Variants in LMX1A observed in about 807,000 individuals in gnomAD.
LMX1A encodes the protein LIM homeobox transcription factor 1 alpha, also known as LIM homeobox transcription factor 1-alpha.
A neutral mutation model predicts 49.1 loss-of-function variants in LMX1A; 15 were observed. That is an observed-to-expected ratio of 0.31 (90% CI 0.20 to 0.47). The LOEUF (loss-of-function observed/expected upper bound fraction) is 0.47, where lower values mean the gene tolerates loss of function less well. Among genes scored for constraint, LMX1A ranks in the 20% least tolerant of loss-of-function variants. The pLI, the probability that LMX1A is intolerant of heterozygous loss-of-function variation, is 1.00. For synonymous variants in LMX1A, 167 were observed against 185.7 expected, an observed-to-expected ratio of 0.90 and a Z score of 0.82; for missense variants, 372 against 475.8, an observed-to-expected ratio of 0.78 and a Z score of 2.03.
At chr1:165,208,275 T>A (rs1462162226) in intron 6 of LMX1A, 143 bp from the exon 7 acceptor site, 14 of 661,888 alleles carry the variant, frequency 2.1e-5, no homozygotes, top group Admixed American at 7.2e-5. Flanking sequence ...GGAGCAACAG[T>A]GGCCAGCCCC....
intron 4 of LMX1A, among the ~76,000 whole-genome samples, chr1:165,233,849 G>C (rs955671076): frequency 6.6e-6 from 1 of 152,120 alleles, no homozygotes; most frequent in African/African-American, 2.4e-5. Context: ...TATTAGTAGG[G>C]ATTCACGAAG....
intron 3 of LMX1A, among the ~76,000 whole-genome samples, chr1:165,339,632 A>C (rs1656009400): frequency 6.6e-6 from 1 of 152,172 alleles, no homozygotes; most frequent in Non-Finnish European, 1.5e-5. Flanking sequence ...GCTCTCACCT[A>C]CTGAGAGGCC....
At chr1:165,313,472 T>C (rs1273415216) in intron 3 of LMX1A, among the ~76,000 whole-genome samples, 6 of 36,764 alleles carry the variant, frequency 1.6e-4, no homozygotes, top group Non-Finnish European at 4.2e-4. Context: ...ACCTTCTTCC[T>C]TTTTTTTTTT....
intron 4 of LMX1A, among the ~76,000 whole-genome samples, chr1:165,221,604 G>C (rs540989587): frequency 1.8e-4 from 28 of 152,308 alleles, no homozygotes; most frequent in Non-Finnish European, 3.2e-4. Context: ...GGGCCAGGCA[G>C]GGGGAGGGAC....
chr1:165,222,387 G>T (rs964700786), intron 4 of LMX1A, among the ~76,000 whole-genome samples: 14 of 152,200 alleles, frequency 9.2e-5, no homozygotes, highest in African/African-American at 2.7e-4. Flanking sequence ...AATAAGGTTT[G>T]AGTGTGTTTG....
intron 4 of LMX1A, among the ~76,000 whole-genome samples, chr1:165,236,260 C>T (rs58580517): frequency 3.9e-5 from 6 of 151,996 alleles, no homozygotes; most frequent in African/African-American, 1.5e-4. Context: ...TGGGTTAGGG[C>T]CAAGCCCGCG....
rs1435070697 is a variant in LMX1A, at chr1:165,356,358, G to C, written c.-26C>G. ...AGGCACGGGCAGCCTTACTTACCTG[G>C]TAGGCGAGCTCTCTCCCAGTGACTG... is the stretch of plus-strand genomic sequence containing the variant. On this transcript the variant is annotated 5_prime_UTR_variant, in exon 1 of 9. Transcript: ENST00000342310. 1 of 152,272 alleles carries C rather than the reference G, an allele frequency of 6.6e-6. No individual in the cohort carries two copies. Among genetic ancestry groups the C allele is most frequent in the East Asian group, 1.9e-4 (1 of 5,188 alleles). 9.4% of individuals were successfully genotyped at this position (152,272 alleles called of 1,614,324 possible).
chr1:165,321,576 C>G (rs901281278), intron 3 of LMX1A, among the ~76,000 whole-genome samples: 7 of 152,116 alleles, frequency 4.6e-5, no homozygotes, highest in Non-Finnish European at 1.0e-4. Context: ...CGGTCAAGAA[C>G]CCACCATGCC....
At chr1:165,305,275 C>T (rs1654890583) in intron 3 of LMX1A, among the ~76,000 whole-genome samples, 1 of 152,102 alleles carries the variant, frequency 6.6e-6, no homozygotes, top group Non-Finnish European at 1.5e-5. Context: ...CATATTGCCA[C>T]CCAGCAGTGG....
At chr1:165,334,374 TCA>T (rs1655839313) in intron 3 of LMX1A, among the ~76,000 whole-genome samples, 1 of 152,200 alleles carries the variant, frequency 6.6e-6, no homozygotes, top group South Asian at 2.1e-4. Context: ...TTTTAACTCA[TCA>T]TCAGCTTAAT....
intron 4 of LMX1A, among the ~76,000 whole-genome samples, chr1:165,226,588 G>T (rs1374944320): frequency 6.6e-6 from 1 of 152,322 alleles, no homozygotes; most frequent in South Asian, 2.1e-4. Context: ...TGTGGGTGCA[G>T]CTGAGCTTCG....
chr1:165,340,894 C>T (rs1248856838), intron 3 of LMX1A, among the ~76,000 whole-genome samples: 1 of 152,176 alleles, frequency 6.6e-6, no homozygotes, highest in Non-Finnish European at 1.5e-5. Flanking sequence ...TGATGTTCAA[C>T]TTATCCTACG....
chr1:165,345,949 A>G (rs1303502205), intron 3 of LMX1A, among the ~76,000 whole-genome samples: 1 of 152,256 alleles, frequency 6.6e-6, no homozygotes, highest in Non-Finnish European at 1.5e-5. Flanking sequence ...GAGGCAGTTG[A>G]TGAAATAGAG....
At chr1:165,290,806 A>G (rs1338344219) in intron 3 of LMX1A, among the ~76,000 whole-genome samples, 1 of 152,160 alleles carries the variant, frequency 6.6e-6, no homozygotes, top group Non-Finnish European at 1.5e-5. Context: ...AATTTTTTGG[A>G]AAGGTAAATT....
chr1:165,306,253 G>A (rs1654917460), intron 3 of LMX1A, among the ~76,000 whole-genome samples: 1 of 152,138 alleles, frequency 6.6e-6, no homozygotes, highest in Admixed American at 6.5e-5. Flanking sequence ...TTAATAAATA[G>A]TCACTCTCCT....
At chr1:165,298,136 G>C (rs1346246714) in intron 3 of LMX1A, among the ~76,000 whole-genome samples, 1 of 152,220 alleles carries the variant, frequency 6.6e-6, no homozygotes, top group Non-Finnish European at 1.5e-5. Flanking sequence ...TTGGGTGCAA[G>C]TACCCAAGCT....
Position 165,355,268 on chromosome 1 carries a change from G to A in LMX1A, c.76+216C>T, listed in dbSNP as rs1571241052. On this transcript the variant is annotated intron_variant, in intron 2 of 8. Transcript: ENST00000342310. This position sits in a 1 kb window ranked among gnomAD's most constrained non-coding sequence, Gnocchi z 4.7. ...CGCCCCTCGCGGCTTTGGGGAATTCGGTGCCCAGTGCGTGAGGCCTGGGGC... is the reference window on the plus strand; with the variant it reads ...CGCCCCTCGCGGCTTTGGGGAATTCAGTGCCCAGTGCGTGAGGCCTGGGGC... 6.6e-6 allele frequency among the ~76,000 whole-genome samples: 1 copy of A among 152,106 alleles called. No homozygotes were observed. Among genetic ancestry groups the A allele is most frequent in the African/African-American group, 2.4e-5 (1 of 41,422 alleles).
intron 3 of LMX1A, among the ~76,000 whole-genome samples, chr1:165,269,514 T>C (rs1653727392): frequency 6.6e-6 from 1 of 152,142 alleles, no homozygotes; most frequent in African/African-American, 2.4e-5. Flanking sequence ...GAACCAGAAA[T>C]ACCATTTGAC....
intron 3 of LMX1A, among the ~76,000 whole-genome samples, chr1:165,331,024 T>TA (rs1453705511): frequency 6.6e-6 from 1 of 152,182 alleles, no homozygotes; most frequent in East Asian, 1.9e-4. Context: ...CTGGCAATTT[T>TA]AAAAAATAAG....
Sources: allele counts gnomAD v4.1 joint callset (sites outside exome capture counted in the v4.1 genomes callset), GRCh38; gene constraint gnomAD v4.1.1; non-coding constraint Gnocchi (gnomAD v3.1); transcripts MANE v1.5; gene names NCBI Gene and HGNC (gene_info 2026-07-23, HGNC 2026-07-21).